The following ZSCAN25 variants were observed in gnomAD, a reference collection of about 807,000 sequenced individuals.
ZSCAN25 encodes the protein zinc finger and SCAN domain-containing protein 25.
A neutral mutation model predicts 38.7 loss-of-function variants in ZSCAN25; 27 were observed. That is an observed-to-expected ratio of 0.70 (90% CI 0.51 to 0.96). ZSCAN25 has a LOEUF of 0.96. ZSCAN25 is among the 40% of genes least tolerant of loss of function. ZSCAN25 has a pLI of 0.00. For missense variants in ZSCAN25, 637 were observed against 705.9 expected (o/e 0.90, Z 1.11); for synonymous variants, 273 against 277.7 (o/e 0.98, Z 0.17).
the ZSCAN25 span, among the ~76,000 whole-genome samples, chr7:99,692,570 A>G: frequency 6.6e-6 from 1 of 151,868 alleles, no homozygotes; most frequent in African/African-American, 2.4e-5. Flanking sequence ...ATAGTCCCAT[A>G]TTTCTTGGAG....
the ZSCAN25 span, among the ~76,000 whole-genome samples, chr7:99,673,581 A>G: frequency 6.6e-6 from 1 of 152,364 alleles, no homozygotes; most frequent in East Asian, 1.9e-4. Context: ...ACTTGCAGAG[A>G]AAGTTTAAAA....
the ZSCAN25 span, among the ~76,000 whole-genome samples, chr7:99,707,553 A>C: frequency 6.6e-6 from 1 of 152,194 alleles, no homozygotes; most frequent in Non-Finnish European, 1.5e-5. Flanking sequence ...ACTGAATTTA[A>C]TTTTGCTCAA....
the ZSCAN25 span, among the ~76,000 whole-genome samples, chr7:99,667,431 G>A: frequency 6.6e-6 from 1 of 152,186 alleles, no homozygotes; most frequent in Non-Finnish European, 1.5e-5. Context: ...GTGACAGATG[G>A]GCAGACTGTA....
downstream of ZSCAN25, among the ~76,000 whole-genome samples, chr7:99,633,489 A>G (rs2151309824): frequency 6.6e-6 from 1 of 152,366 alleles, no homozygotes; most frequent in East Asian, 1.9e-4. Context: ...GCCTGTTTTC[A>G]GAATAATGAG....
the ZSCAN25 span, chr7:99,672,720 G>A: frequency 2.4e-5 from 39 of 1,611,546 alleles, no homozygotes; most frequent in African/African-American, 8.0e-5. Context: ...TCACTAGCCC[G>A]ATTCTGCAGC....
chr7:99,715,830 G>T, the ZSCAN25 span: 1 of 1,613,930 alleles, frequency 6.2e-7, no homozygotes, highest in Non-Finnish European at 8.5e-7. Context: ...AAGGGGTCTT[G>T]TGGATTGTTG....
the ZSCAN25 span, chr7:99,674,605 A>G: frequency 6.2e-7 from 1 of 1,604,454 alleles, no homozygotes; most frequent in Non-Finnish European, 8.5e-7. Context: ...GAAACAAAAT[A>G]CAAGTTGATT....
the ZSCAN25 span, among the ~76,000 whole-genome samples, chr7:99,674,903 C>T: frequency 6.6e-6 from 1 of 152,210 alleles, no homozygotes; most frequent in Non-Finnish European, 1.5e-5. Flanking sequence ...CTCCTAACCC[C>T]GTGAATGATC....
chr7:99,695,906 A>G, the ZSCAN25 span: 1 of 1,382,020 alleles, frequency 7.2e-7, no homozygotes, highest in Non-Finnish European at 1.0e-6. Context: ...CTGGTAAGTC[A>G]CTGACTGAGG....
At chr7:99,721,801 A>G in the ZSCAN25 span, among the ~76,000 whole-genome samples, 1 of 152,174 alleles carries the variant, frequency 6.6e-6, no homozygotes, top group South Asian at 2.1e-4. Flanking sequence ...AAACCTTGAC[A>G]AATAAATCAA....
At chr7:99,674,474 A>AGTG in the ZSCAN25 span, 1 of 1,369,776 alleles carries the variant, frequency 7.3e-7, no homozygotes, top group Non-Finnish European at 1.0e-6. Context: ...ACTATCCTGC[A>AGTG]GTGGGGTAAC....
chr7:99,654,974 A>G, the ZSCAN25 span, among the ~76,000 whole-genome samples: 1 of 152,150 alleles, frequency 6.6e-6, no homozygotes, highest in Non-Finnish European at 1.5e-5. Context: ...GATTCTGGAT[A>G]TTAGCCCTTT....
At chr7:99,672,805 C>T in the ZSCAN25 span, 1 of 1,525,496 alleles carries the variant, frequency 6.6e-7, no homozygotes, top group African/African-American at 1.4e-5. Flanking sequence ...CGACACACAG[C>T]AACCTTAGGT....
chr7:99,641,346 A>G, the ZSCAN25 span, among the ~76,000 whole-genome samples: 2,057 of 152,304 alleles, frequency 0.014, 22 homozygotes, highest in Non-Finnish European at 0.019. Context: ...AGAACTCACT[A>G]TCATGAGAAC....
At chr7:99,720,626 C>T in the ZSCAN25 span, 1 of 506,294 alleles carries the variant, frequency 2.0e-6, no homozygotes, top group South Asian at 2.5e-5. Flanking sequence ...TAATGTGGGC[C>T]AAACAGGGAA....
the ZSCAN25 span, chr7:99,660,404 T>C: frequency 6.7e-7 from 1 of 1,488,600 alleles, no homozygotes; most frequent in Non-Finnish European, 8.9e-7. Context: ...AATCAGTGAT[T>C]ATGCTTTTTA....
At chr7:99,643,367 T>C in the ZSCAN25 span, among the ~76,000 whole-genome samples, 1 of 152,182 alleles carries the variant, frequency 6.6e-6, no homozygotes, top group Admixed American at 6.5e-5. Context: ...AAAGTCTCCT[T>C]ACAAACCAGC....
At chr7:99,701,061 C>G in the ZSCAN25 span, among the ~76,000 whole-genome samples, 1 of 152,210 alleles carries the variant, frequency 6.6e-6, no homozygotes, top group Non-Finnish European at 1.5e-5. Flanking sequence ...TGCCTCTCAC[C>G]TATTCATTCC....
the ZSCAN25 span, chr7:99,717,721 C>T: frequency 6.6e-7 from 1 of 1,506,530 alleles, no homozygotes; most frequent in South Asian, 1.2e-5. Context: ...AAACAGGCAT[C>T]ATGTATTTAA....
Sources: gnomAD v4.1 joint callset for allele counts (sites outside exome capture counted in the v4.1 genomes callset) on GRCh38, gnomAD v4.1.1 for gene constraint, MANE v1.5 for transcripts, NCBI Gene and HGNC (gene_info 2026-07-23, HGNC 2026-07-21) for gene names.